SPAG16: variants seen among roughly 807,000 people sequenced by gnomAD.
The protein encoded by SPAG16 is sperm associated antigen 16, also known as sperm-associated antigen 16 protein.
In SPAG16, 86 loss-of-function variants were observed where a neutral mutation model predicts 80.4. The ratio of observed to expected loss-of-function variants is 1.07; its 90% confidence interval spans 0.90 to 1.28. The LOEUF (loss-of-function observed/expected upper bound fraction) is 1.28. Among genes scored for constraint, SPAG16 ranks in the 50% most tolerant of loss-of-function variants. SPAG16 has a pLI of 0.00. For synonymous variants in SPAG16, 294 were observed against 265.9 expected, an observed-to-expected ratio of 1.11 and a Z score of -1.03; for missense variants, 870 against 765.3, an observed-to-expected ratio of 1.14 and a Z score of -1.61.
chr2:213,768,851 T>A (rs1160158816), intron 10 of SPAG16, among the ~76,000 whole-genome samples: 2 of 152,108 alleles, frequency 1.3e-5, no homozygotes, highest in African/African-American at 4.8e-5. Flanking sequence ...GAGGAATGCC[T>A]AGAACAATGC....
chr2:214,059,082 C>T (rs1200867957), intron 13 of SPAG16, among the ~76,000 whole-genome samples: 2 of 150,948 alleles, frequency 1.3e-5, no homozygotes. Context: ...GAGGCTGAGG[C>T]AAGAGAATCT....
At chr2:214,297,480 C>T (rs975225153) in intron 15 of SPAG16, among the ~76,000 whole-genome samples, 1 of 151,928 alleles carries the variant, frequency 6.6e-6, no homozygotes, top group Non-Finnish European at 1.5e-5. Context: ...TAATCTACCT[C>T]GAGTTAATTC....
At chr2:214,035,832 G>C (rs1012607289) in intron 13 of SPAG16, among the ~76,000 whole-genome samples, 1 of 152,172 alleles carries the variant, frequency 6.6e-6, no homozygotes, top group African/African-American at 2.4e-5. Flanking sequence ...GGAGCACGAA[G>C]TTCCTGCCCT....
chr2:214,168,203 G>A (rs2125625454), intron 15 of SPAG16, among the ~76,000 whole-genome samples: 1 of 151,884 alleles, frequency 6.6e-6, no homozygotes, highest in East Asian at 1.9e-4. Context: ...TATTGGCCAG[G>A]CTGATCTCAA....
chr2:214,009,708 A>T (rs1466864344), intron 12 of SPAG16, among the ~76,000 whole-genome samples: 1 of 152,214 alleles, frequency 6.6e-6, no homozygotes, highest in Non-Finnish European at 1.5e-5. Context: ...AAGCAAAAAA[A>T]TGGAGAAGAG....
At chr2:214,014,101 T>C (rs767142600) in intron 13 of SPAG16, 24 bp downstream of exon 13, 27 of 1,609,700 alleles carry the variant, frequency 1.7e-5, no homozygotes, top group Non-Finnish European at 2.3e-5. Context: ...TCACTTTTTT[T>C]CCCAGCTTTT....
intron 11 of SPAG16, among the ~76,000 whole-genome samples, chr2:213,879,883 G>C (rs1036748561): frequency 6.6e-6 from 1 of 152,066 alleles, no homozygotes; most frequent in Non-Finnish European, 1.5e-5. Context: ...CCAATCCACC[G>C]TTGGTGGGCA....
At chr2:214,385,376 G>A (rs1453949346) in intron 15 of SPAG16, among the ~76,000 whole-genome samples, 1 of 152,104 alleles carries the variant, frequency 6.6e-6, no homozygotes, top group Admixed American at 6.5e-5. Context: ...TTATATATCA[G>A]TATCTCATTT....
chr2:213,751,133 G>A (rs948321316), intron 10 of SPAG16, among the ~76,000 whole-genome samples: 1 of 151,272 alleles, frequency 6.6e-6, no homozygotes, highest in Non-Finnish European at 1.5e-5. Flanking sequence ...TACTTCAATT[G>A]TTAATTTTTT....
At chr2:213,348,360 GCATTTAGCCCATTTA>G (rs1237745127) in intron 6 of SPAG16, among the ~76,000 whole-genome samples, 3 of 152,086 alleles carry the variant, frequency 2.0e-5, no homozygotes, top group African/African-American at 7.2e-5. Context: ...TTTAACGGGA[GCATTTAGCCCATTTA>G]CATTTAAGGT....
intron 11 of SPAG16, among the ~76,000 whole-genome samples, chr2:213,916,581 C>T (rs2077982160): frequency 6.6e-6 from 1 of 151,878 alleles, no homozygotes; most frequent in Non-Finnish European, 1.5e-5. Flanking sequence ...CTTTATAAAA[C>T]CTTCAGATCT....
chr2:214,258,946 ATTTCT>A (rs1690920363), intron 15 of SPAG16, among the ~76,000 whole-genome samples: 2 of 151,832 alleles, frequency 1.3e-5, no homozygotes, highest in South Asian at 2.1e-4. Context: ...TGAGAACATA[ATTTCT>A]TTTATGTCTT....
intron 13 of SPAG16, among the ~76,000 whole-genome samples, chr2:214,081,903 G>A (rs565725788): frequency 7.9e-5 from 12 of 151,936 alleles, no homozygotes; most frequent in African/African-American, 2.7e-4. Context: ...AGAGGGTGGG[G>A]CAAATTGTGA....
In SPAG16 at chr2:214,319,502, G is replaced by GA. The variant is rs3044978; in HGVS notation, c.1721-90622dup. ...ATAACTGAGGCAGAAAGATCCACTG[G>GA]AAAAAAAAAAAAAAAACTATAATAG... On this transcript the variant is annotated intron_variant, in intron 15 of 15. Coordinates refer to ENST00000331683, the MANE Select transcript of SPAG16 (RefSeq NM_024532.5). 2.4e-3 allele frequency among the ~76,000 whole-genome samples: 347 copies of GA among 145,898 alleles called. 3 individuals carry two copies. Among genetic ancestry groups the GA allele is most frequent in the African/African-American group, 8.0e-3 (314 of 39,176 alleles).
intron 9 of SPAG16, among the ~76,000 whole-genome samples, chr2:213,407,612 AG>A (rs2068692581): frequency 2.6e-5 from 3 of 116,610 alleles, no homozygotes; most frequent in Non-Finnish European, 6.1e-5. Context: ...AGAGAGAGAG[AG>A]AGAGAGAGAG....
intron 3 of SPAG16, 52 bp downstream of exon 3, chr2:213,297,409 T>C: frequency 9.8e-6 from 11 of 1,126,284 alleles, no homozygotes; most frequent in Non-Finnish European, 1.4e-5. Flanking sequence ...GTGCTTTTTA[T>C]ATGAAGTTTG....
intron 15 of SPAG16, among the ~76,000 whole-genome samples, chr2:214,235,708 C>T (rs1209882898): frequency 6.6e-6 from 1 of 152,126 alleles, no homozygotes; most frequent in Non-Finnish European, 1.5e-5. Context: ...TTACTTTTTA[C>T]ATCTTCATGC....
intron 12 of SPAG16, among the ~76,000 whole-genome samples, chr2:213,935,148 G>T (rs2078934174): frequency 6.7e-6 from 1 of 148,540 alleles, no homozygotes; most frequent in Non-Finnish European, 1.5e-5. Flanking sequence ...CTTGCAGTGA[G>T]CCGAGATAGC....
chr2:213,532,731 G>A (rs2125889337), intron 10 of SPAG16, among the ~76,000 whole-genome samples: 1 of 150,958 alleles, frequency 6.6e-6, no homozygotes, highest in South Asian at 2.1e-4. Flanking sequence ...AAAGTGCTGG[G>A]ATTACAGGCA....
Sources: gnomAD v4.1 joint callset for allele counts (sites outside exome capture counted in the v4.1 genomes callset) on GRCh38, gnomAD v4.1.1 for gene constraint, MANE v1.5 for transcripts, NCBI Gene and HGNC (gene_info 2026-07-23, HGNC 2026-07-21) for gene names.